The following PAX7 variants were observed in gnomAD, a reference collection of about 807,000 sequenced individuals.
The protein encoded by PAX7 is paired box protein Pax-7.
A neutral mutation model predicts 50.7 loss-of-function variants in PAX7; 18 were observed. The observed-to-expected ratio is 0.36, with a 90% CI of 0.25 to 0.53. The LOEUF (loss-of-function observed/expected upper bound fraction) is 0.53. Ranked by LOEUF, PAX7 falls within the 20% of genes least tolerant of loss-of-function variation. PAX7 has a pLI of 0.93. For missense variants in PAX7, 644 were observed against 702.9 expected (o/e 0.92, Z 0.95); for synonymous variants, 310 against 290.4 (o/e 1.07, Z -0.69).
rs144268773 is a variant in PAX7, at chr1:18,742,520, T to C, written c.1403-2294T>C. Among the ~76,000 whole-genome samples the C allele has an allele frequency of 4.5e-4, 68 of 151,848 alleles. 1 individual carries two copies. The East Asian group carries it at 0.01, about 23-fold the overall frequency. On this transcript the variant is annotated intron_variant, in intron 8 of 8. Coordinates refer to ENST00000420770, the MANE Select transcript of PAX7 (RefSeq NM_001135254.2). ...GTAAGGCAGGCTTCCAGTAGCAGAG[T>C]TGGTGTGGCCAGGGCTACAGAGTCC... is the stretch of plus-strand genomic sequence containing the variant.
chr1:18,712,065 T>A (rs1460728883), intron 7 of PAX7, among the ~76,000 whole-genome samples: 1 of 151,986 alleles, frequency 6.6e-6, no homozygotes, highest in African/African-American at 2.4e-5. Flanking sequence ...CCGGTTCTCT[T>A]GGCGAGGCCA....
intron 4 of PAX7, among the ~76,000 whole-genome samples, chr1:18,643,846 G>T (rs943488941): frequency 1.3e-5 from 2 of 152,190 alleles, no homozygotes; most frequent in African/African-American, 4.8e-5. Flanking sequence ...GAGGGAGGCC[G>T]ACCCCGAGGC....
chr1:18,640,205 G>A (rs942814541), intron 4 of PAX7, among the ~76,000 whole-genome samples: 1 of 152,166 alleles, frequency 6.6e-6, no homozygotes. Flanking sequence ...GGAGGGGAGA[G>A]CCCGGAGTGT....
At chr1:18,725,037 C>G (rs2089541095) in intron 7 of PAX7, among the ~76,000 whole-genome samples, 2 of 152,202 alleles carry the variant, frequency 1.3e-5, no homozygotes, top group African/African-American at 4.8e-5. Context: ...AGGCTATGAT[C>G]CTTTGCCCAT....
At chr1:18,662,870 G>A (rs559393577) in intron 4 of PAX7, among the ~76,000 whole-genome samples, 1 of 151,604 alleles carries the variant, frequency 6.6e-6, no homozygotes, top group Non-Finnish European at 1.5e-5. Flanking sequence ...ACCACACCCA[G>A]CCTGTAAGTT....
At chr1:18,654,296 C>T (rs901254611) in intron 4 of PAX7, among the ~76,000 whole-genome samples, 10 of 152,086 alleles carry the variant, frequency 6.6e-5, no homozygotes. Flanking sequence ...AAGTCCACCA[C>T]CTTAGACCAG....
Position 18,691,751 on chromosome 1 carries a change from T to C in PAX7, c.587-3T>C, listed in dbSNP as rs1285251308. 6.4e-7 allele frequency: 1 copy of C among 1,568,436 alleles called. No individual in the cohort carries two copies. The highest frequency in any genetic ancestry group is 1.9e-5 in the Admixed American group (1 of 52,676). The stretch of plus-strand genomic sequence containing the variant: ...CTTCTCCCTCCCTCTCCTCCGGCTG[T>C]AGGGAACCGGCTGGACGAGGGCTCG... On this transcript the variant is annotated splice_region_variant and splice_polypyrimidine_tract_variant and intron_variant, in intron 4 of 8. Transcript: ENST00000420770.
intron 4 of PAX7, among the ~76,000 whole-genome samples, chr1:18,641,364 G>A (rs918919383): frequency 2.0e-5 from 3 of 152,250 alleles, no homozygotes; most frequent in Non-Finnish European, 4.4e-5. Context: ...AGCTGCGGAA[G>A]AGCTGAGTGT....
chr1:18,658,836 C>T (rs920995689), intron 4 of PAX7, among the ~76,000 whole-genome samples: 27 of 152,282 alleles, frequency 1.8e-4, no homozygotes, highest in South Asian at 8.3e-4. Flanking sequence ...TTGGGAGAAA[C>T]CTTTCTTCAT....
chr1:18,701,959 C>G (rs530087679), intron 6 of PAX7, among the ~76,000 whole-genome samples: 2 of 152,102 alleles, frequency 1.3e-5, no homozygotes, highest in African/African-American at 2.4e-5. Flanking sequence ...GTTCCCTCCC[C>G]CTACCTCACC....
rs1230371493 is a variant in PAX7, at chr1:18,735,603, G to T, written c.1156-29G>T. 6.3e-7 allele frequency: 1 copy of T among 1,594,122 alleles called. No homozygotes were observed. The highest frequency in any genetic ancestry group is 8.6e-7 in the Non-Finnish European group (1 of 1,167,144). The stretch of plus-strand genomic sequence containing the variant: ...CGTGTCTCTGGGGTCTGTCCGGTGA[G>T]CCTGGCACTAATGGCCTTTTCCCCA... On this transcript the variant is annotated intron_variant, in intron 7 of 8. Transcript: ENST00000420770. This position sits in a 1 kb window ranked among gnomAD's most constrained non-coding sequence, Gnocchi z 4.0.
At chr1:18,720,568 G>A (rs2089480753) in intron 7 of PAX7, among the ~76,000 whole-genome samples, 1 of 152,100 alleles carries the variant, frequency 6.6e-6, no homozygotes, top group African/African-American at 2.4e-5. Flanking sequence ...ATGAGGTGCT[G>A]ATGGAGAGAA....
intron 4 of PAX7, among the ~76,000 whole-genome samples, chr1:18,664,619 G>A (rs894681011): frequency 2.0e-5 from 3 of 152,096 alleles, no homozygotes; most frequent in Non-Finnish European, 2.9e-5. Context: ...TGGGGAAATC[G>A]AGAGGCTCAG....
intron 5 of PAX7, among the ~76,000 whole-genome samples, chr1:18,697,994 A>C (rs947071578): frequency 5.9e-5 from 9 of 152,134 alleles, no homozygotes; most frequent in Admixed American, 3.9e-4. Context: ...GAAGAGTAGG[A>C]AAAGAAAAGG....
In PAX7 at chr1:18,700,805, C is replaced by T. The variant is rs2089209840; in HGVS notation, c.939C>T (p.Thr313=). 6.5e-7 allele frequency: 1 copy of T among 1,540,370 alleles called. No homozygotes were observed. The highest frequency in any genetic ancestry group is 1.4e-5 in the African/African-American group (1 of 71,444). Residue 313 remains threonine (T), a synonymous_variant, in exon 6 of 9, where the codon ACC becomes ACT. Coordinates refer to ENST00000420770, the MANE Select transcript of PAX7 (RefSeq NM_001135254.2). This position sits in a 1 kb window ranked among gnomAD's most constrained non-coding sequence, Gnocchi z 4.8. The part of the protein sequence containing the change: ...YQLPDSTYPT[T]TISQDGGSTV... ...TGCCGGACTCCACCTACCCCACCACCACCATCTCCCAAGGTGAGTGTCTTG... is the reference window on the plus strand; with the variant it reads ...TGCCGGACTCCACCTACCCCACCACTACCATCTCCCAAGGTGAGTGTCTTG...
intron 6 of PAX7, among the ~76,000 whole-genome samples, chr1:18,702,185 A>AT: frequency 6.6e-6 from 1 of 151,376 alleles, no homozygotes; most frequent in East Asian, 2.0e-4. Context: ...TACAAAAAAA[A>AT]AAAATTATCT....
Position 18,632,643 on chromosome 1 carries a change from CT to C in PAX7, c.85+966del, listed in dbSNP as rs11308758. 0.45 allele frequency among the ~76,000 whole-genome samples: 64,251 copies of C among 142,130 alleles called. 14,365 individuals carry two copies. Among genetic ancestry groups the C allele is most frequent in the Middle Eastern group, 0.55 (153 of 276 alleles). 93.2% of individuals were successfully genotyped at this position (142,130 alleles called of 152,430 possible). ...GAGAAGTCATTAGAAATATGTGCGA[CT>C]TTTTTTTTTTAAATTACTCTTCCTG... On this transcript the variant is annotated intron_variant, in intron 1 of 8. Transcript: ENST00000420770. This position sits in a 1 kb window ranked among gnomAD's most constrained non-coding sequence, Gnocchi z 6.3.
rs115754293 is a variant in PAX7 at position 18,641,303 on chromosome 1, G to A, written c.586+4932G>A. ...GGAGGGCAATTATCCGCCCCAGAGA[G>A]CGGGGGAAGCCGTCGGAGGTCTGGG... On this transcript the variant is annotated intron_variant, in intron 4 of 8. Transcript: ENST00000420770. Among the ~76,000 whole-genome samples, 1,028 of 152,372 alleles carry A rather than the reference G, an allele frequency of 6.7e-3. 4 individuals are homozygous for A. The highest frequency in any genetic ancestry group is 0.01 in the Non-Finnish European group (695 of 68,042).
At chr1:18,645,325 T>A (rs1360722244) in intron 4 of PAX7, among the ~76,000 whole-genome samples, 1 of 152,212 alleles carries the variant, frequency 6.6e-6, no homozygotes, top group Non-Finnish European at 1.5e-5. Context: ...TTGCCTTCAC[T>A]GCACTCTTTG....
Sources: allele counts gnomAD v4.1 joint callset (sites outside exome capture counted in the v4.1 genomes callset), GRCh38; gene constraint gnomAD v4.1.1; non-coding constraint Gnocchi (gnomAD v3.1); transcripts MANE v1.5; gene names NCBI Gene and HGNC (gene_info 2026-07-23, HGNC 2026-07-21).